The following RPS6KC1 variants were observed in gnomAD, a reference collection of about 807,000 sequenced individuals.
The protein encoded by RPS6KC1 is inactive ribosomal protein S6 kinase delta-1.
A neutral mutation model predicts 103.8 loss-of-function variants in RPS6KC1; 54 were observed. The ratio of observed to expected loss-of-function variants is 0.52; its 90% CI spans 0.42 to 0.65. The LOEUF is 0.65. RPS6KC1 is among the 30% of genes least tolerant of loss of function. RPS6KC1 has a pLI of 0.00. For missense variants in RPS6KC1, 1,151 were observed against 1,253.8 expected (o/e 0.92, Z 1.24); for synonymous variants, 439 against 438.7 (o/e 1.00, Z -0.01).
chr1:213,840,037 C>G, the RPS6KC1 span: 1 of 152,122 alleles, frequency 6.6e-6, no homozygotes, highest in African/African-American at 2.4e-5. Context: ...AATACATCGA[C>G]TAAGCAACTC....
chr1:213,459,007 C>T, the RPS6KC1 span, among the ~76,000 whole-genome samples: 8 of 152,126 alleles, frequency 5.3e-5, no homozygotes, highest in African/African-American at 1.9e-4. Context: ...TTCAGTTTGC[C>T]AGTATTTTAT....
intron 2 of RPS6KC1, among the ~76,000 whole-genome samples, chr1:213,076,244 T>C (rs1459436333): frequency 2.6e-5 from 4 of 152,230 alleles, no homozygotes. Context: ...ATTCATATTA[T>C]AGTCTGCCTA....
intron 6 of RPS6KC1, among the ~76,000 whole-genome samples, chr1:213,137,799 ATTTTTTTTTTT>A (rs869154560): frequency 6.5e-3 from 91 of 13,980 alleles, no homozygotes; most frequent in East Asian, 0.037. Context: ...ATATATATAT[ATTTTTTTTTTT>A]TTTTTTTTTT....
At chr1:213,797,629 G>A in the RPS6KC1 span, among the ~76,000 whole-genome samples, 1 of 152,190 alleles carries the variant, frequency 6.6e-6, no homozygotes, top group Non-Finnish European at 1.5e-5. Flanking sequence ...GAAATGAAAA[G>A]CATTTACATG....
chr1:213,505,217 G>C, the RPS6KC1 span, among the ~76,000 whole-genome samples: 1 of 152,184 alleles, frequency 6.6e-6, no homozygotes, highest in East Asian at 1.9e-4. Context: ...CTATAGTCAG[G>C]CTCTTTCAGT....
the RPS6KC1 span, among the ~76,000 whole-genome samples, chr1:213,533,974 A>G: frequency 6.6e-6 from 1 of 151,966 alleles, no homozygotes; most frequent in East Asian, 1.9e-4. Context: ...ATCCAGGCAG[A>G]CTCCTTCCCT....
the RPS6KC1 span, among the ~76,000 whole-genome samples, chr1:213,723,488 T>C: frequency 1.3e-5 from 2 of 152,178 alleles, no homozygotes; most frequent in Non-Finnish European, 2.9e-5. Context: ...CTGTGGTATA[T>C]GGGTGTTTCC....
At chr1:213,464,779 G>GT in the RPS6KC1 span, among the ~76,000 whole-genome samples, 83 of 146,038 alleles carry the variant, frequency 5.7e-4, 1 homozygote, top group East Asian at 1.2e-3. Flanking sequence ...TTATTTGCAG[G>GT]TTTTTTTTTT....
the RPS6KC1 span, among the ~76,000 whole-genome samples, chr1:213,443,826 GA>G: frequency 3.8e-3 from 580 of 152,260 alleles, 9 homozygotes; most frequent in African/African-American, 0.013. Flanking sequence ...GCTGAGGTGG[GA>G]GGATCACCTG....
chr1:213,082,082 A>G (rs73086338), intron 3 of RPS6KC1, among the ~76,000 whole-genome samples: 5,564 of 152,116 alleles, frequency 0.037, 287 homozygotes, highest in African/African-American at 0.12. Context: ...GAAATGAGCT[A>G]TGGGCTTTGA....
the RPS6KC1 span, among the ~76,000 whole-genome samples, chr1:213,734,216 G>A: frequency 6.6e-6 from 1 of 152,200 alleles, no homozygotes; most frequent in African/African-American, 2.4e-5. Flanking sequence ...GTGGCTGTAT[G>A]GCTCTGGGTC....
intron 12 of RPS6KC1, among the ~76,000 whole-genome samples, chr1:213,258,872 G>T (rs1234160297): frequency 6.6e-6 from 1 of 152,174 alleles, no homozygotes; most frequent in East Asian, 1.9e-4. Context: ...GGGGGTGAGG[G>T]TTATGTATTT....
chr1:213,411,150 CTTG>C, the RPS6KC1 span, among the ~76,000 whole-genome samples: 1 of 152,140 alleles, frequency 6.6e-6, no homozygotes, highest in African/African-American at 2.4e-5. Context: ...TGCTCATTCA[CTTG>C]TTGTTTGACT....
chr1:213,392,381 AG>A, the RPS6KC1 span, among the ~76,000 whole-genome samples: 4 of 152,040 alleles, frequency 2.6e-5, no homozygotes, highest in Non-Finnish European at 4.4e-5. Context: ...CAAAAGCACC[AG>A]GGTGGCACGA....
chr1:213,543,919 C>G, the RPS6KC1 span, among the ~76,000 whole-genome samples: 1 of 152,136 alleles, frequency 6.6e-6, no homozygotes, highest in Admixed American at 6.5e-5. Flanking sequence ...CTAAACTTTC[C>G]AGCAGCACTA....
chr1:213,439,866 G>GGA, the RPS6KC1 span, among the ~76,000 whole-genome samples: 98 of 148,732 alleles, frequency 6.6e-4, no homozygotes, highest in African/African-American at 1.7e-3. Context: ...AGAGAGAGAA[G>GGA]GAGAGAGAGA....
chr1:213,517,220 C>G, the RPS6KC1 span, among the ~76,000 whole-genome samples: 1 of 151,896 alleles, frequency 6.6e-6, no homozygotes, highest in South Asian at 2.1e-4. Context: ...TTTTGTGTCT[C>G]TATTTCCTTC....
At chr1:213,139,662 G>A (rs1472378180) in intron 6 of RPS6KC1, among the ~76,000 whole-genome samples, 1 of 151,878 alleles carries the variant, frequency 6.6e-6, no homozygotes, top group East Asian at 1.9e-4. Context: ...GGTGTTCTGG[G>A]TTCCATAACC....
At chr1:213,521,906 T>C in the RPS6KC1 span, among the ~76,000 whole-genome samples, 306 of 152,314 alleles carry the variant, frequency 2.0e-3, no homozygotes, top group African/African-American at 6.8e-3. Flanking sequence ...AAGTTATCCA[T>C]GAATGTTGGA....
Sources: gnomAD v4.1 joint callset for allele counts (sites outside exome capture counted in the v4.1 genomes callset) on GRCh38, gnomAD v4.1.1 for gene constraint, MANE v1.5 for transcripts, NCBI Gene and HGNC (gene_info 2026-07-23, HGNC 2026-07-21) for gene names.